The following CTNNA1 variants were observed in gnomAD, a reference collection of about 807,000 sequenced individuals.
CTNNA1 encodes the protein catenin alpha 1.
A neutral mutation model predicts 98.4 loss-of-function variants in CTNNA1; 37 were observed. The observed-to-expected ratio is 0.38, with a 90% CI of 0.29 to 0.49. CTNNA1 has a LOEUF of 0.49. CTNNA1 is among the 20% of genes least tolerant of loss of function. The probability of loss-of-function intolerance (pLI) is 0.95; values close to 1 mark genes in which losing one functional copy is unlikely to be tolerated. For missense variants in CTNNA1, 761 were observed against 1,147.2 expected (o/e 0.66, Z 4.86); for synonymous variants, 404 against 413.2 (o/e 0.98, Z 0.27).
In CTNNA1 at chr5:138,760,658, G is replaced by A. The variant is rs188017138; in HGVS notation, c.-3+7148G>A. Among the ~76,000 whole-genome samples the A allele has an allele frequency of 1.3e-3, 195 of 152,248 alleles. 3 individuals carry two copies. Among genetic ancestry groups the A allele is most frequent in the Non-Finnish European group, 2.6e-4 (18 of 68,014 alleles). On this transcript the variant is annotated intron_variant, in intron 1 of 17. Transcript: ENST00000302763. Reference sequence around the variant, plus strand: ...TGGGATTACAGGCGTGAGCCACCACGTCTGACCTATCCATTCATATGTTGA... The same window carrying A: ...TGGGATTACAGGCGTGAGCCACCACATCTGACCTATCCATTCATATGTTGA...
At position 138,827,508 on chromosome 5, in the gene CTNNA1, T is replaced by A; in HGVS notation, c.859-7T>A. On this transcript the variant is annotated splice_polypyrimidine_tract_variant and splice_region_variant and intron_variant, in intron 6 of 17. Coordinates refer to ENST00000302763, the MANE Select transcript of CTNNA1 (RefSeq NM_001903.5). ...AGTACTAACATTCGGTAATACTTTC[T>A]CTGCAGAAACAAATCATTGTGGACC... The A allele has an allele frequency of 6.2e-7, 1 of 1,614,176 alleles. No individual in the cohort carries two copies. Among genetic ancestry groups the A allele is most frequent in the Non-Finnish European group, 8.5e-7 (1 of 1,179,998 alleles).
intron 9 of CTNNA1, among the ~76,000 whole-genome samples, chr5:138,888,505 G>T (rs1315471675): frequency 6.6e-6 from 1 of 152,004 alleles, no homozygotes; most frequent in African/African-American, 2.4e-5. Context: ...TGTGTGTCTC[G>T]TACTTTTGAA....
chr5:138,803,827 TTC>T (rs1757818423), intron 3 of CTNNA1, among the ~76,000 whole-genome samples: 1 of 152,212 alleles, frequency 6.6e-6, no homozygotes, highest in African/African-American at 2.4e-5. Flanking sequence ...TTTATTGTCT[TTC>T]TCTCCCACTA....
intron 7 of CTNNA1, chr5:138,880,952 T>A: frequency 7.1e-6 from 3 of 420,586 alleles, no homozygotes; most frequent in Admixed American, 2.7e-5. Flanking sequence ...AAAAAACACA[T>A]TGAATATGTG....
intron 16 of CTNNA1, chr5:138,931,746 G>A (rs531755956): frequency 4.7e-5 from 46 of 985,434 alleles, no homozygotes; most frequent in Middle Eastern, 5.2e-4. Flanking sequence ...ATCTGAAAAT[G>A]CAGATCACAT....
At chr5:138,809,246 A>G (rs887197518) in intron 3 of CTNNA1, among the ~76,000 whole-genome samples, 13 of 152,358 alleles carry the variant, frequency 8.5e-5, no homozygotes, top group Non-Finnish European at 1.8e-4. Context: ...TTTTTAAAAA[A>G]TTATAGATAC....
chr5:138,926,731 A>G (rs1355288427), intron 13 of CTNNA1, among the ~76,000 whole-genome samples: 4 of 152,072 alleles, frequency 2.6e-5, no homozygotes, highest in Non-Finnish European at 4.4e-5. Context: ...TTAGGGGGAA[A>G]AAAAAAGTCT....
intron 5 of CTNNA1, among the ~76,000 whole-genome samples, chr5:138,812,783 T>C (rs1043101104): frequency 2.6e-5 from 4 of 152,354 alleles, no homozygotes; most frequent in African/African-American, 9.6e-5. Flanking sequence ...AGGATCAGTG[T>C]TAACTTTTCC....
chr5:138,905,111 A>AAATACATACATACATACATACATAC (rs1554105203), intron 10 of CTNNA1, among the ~76,000 whole-genome samples: 22 of 139,316 alleles, frequency 1.6e-4, no homozygotes, highest in African/African-American at 5.5e-4. Context: ...AAAAAAAAAA[A>AAATACATACATACATACATACATAC]ATACATACAT....
chr5:138,869,163 A>AT (rs1347712595), intron 7 of CTNNA1: 1 of 146,872 alleles, frequency 6.8e-6, no homozygotes, highest in Non-Finnish European at 1.5e-5. Context: ...AACATTCCAT[A>AT]TATCAGACTT....
At position 138,862,130 on chromosome 5, in the gene CTNNA1, A is replaced by G. The variant is rs541599215; in HGVS notation, c.1063-24082A>G. On this transcript the variant is annotated intron_variant, in intron 7 of 17. Transcript: ENST00000302763. ...TAGGTTAATTCTGAGCAAGCTTTAT[A>G]TGGAATAGAGATTTCAGTAATATGG... Among the ~76,000 whole-genome samples, 3 of 152,336 alleles carry G rather than the reference A, an allele frequency of 2.0e-5. No homozygotes were observed. In the South Asian group the frequency reaches 6.2e-4, roughly 32 times the overall value.
intron 7 of CTNNA1, among the ~76,000 whole-genome samples, chr5:138,866,297 T>TATTTA (rs1554092207): frequency 1.2e-4 from 18 of 148,084 alleles, no homozygotes; most frequent in Admixed American, 1.3e-4. Flanking sequence ...TTTATTTATT[T>TATTTA]ATTTATTTAT....
intron 7 of CTNNA1, among the ~76,000 whole-genome samples, chr5:138,854,391 A>G (rs530271912): frequency 3.9e-5 from 6 of 152,288 alleles, no homozygotes; most frequent in African/African-American, 9.6e-5. Flanking sequence ...AATAGGGGCT[A>G]TTTTGTCTTG....
In CTNNA1 at chr5:138,793,978, A is replaced by G. The variant is rs139361742; in HGVS notation, c.301+10606A>G. On this transcript the variant is annotated intron_variant, in intron 3 of 17. Coordinates refer to ENST00000302763, the MANE Select transcript of CTNNA1 (RefSeq NM_001903.5). ...ATTCAGATGGGCTTATAGTATTTAA[A>G]TAACTTCATATTAAATGTTTATTTC... 4.6e-5 allele frequency among the ~76,000 whole-genome samples: 7 copies of G among 151,452 alleles called. No homozygotes were observed. In the East Asian group the frequency reaches 1.4e-3, roughly 29 times the overall value.
At chr5:138,866,325 T>C (rs1581344519) in intron 7 of CTNNA1, among the ~76,000 whole-genome samples, 1 of 150,088 alleles carries the variant, frequency 6.7e-6, no homozygotes, top group Admixed American at 6.6e-5. Flanking sequence ...TTTATTTATT[T>C]ATTTTGGTAC....
At chr5:138,776,573 CGGGGTGGTGGCCGAGCAGAG>C (rs1343305862) in intron 1 of CTNNA1, among the ~76,000 whole-genome samples, 1 of 152,160 alleles carries the variant, frequency 6.6e-6, no homozygotes, top group African/African-American at 2.4e-5. Flanking sequence ...ACCTCCCAGA[CGGGGTGGTGGCCGAGCAGAG>C]GGGTTCCTCA....
chr5:138,926,111 A>C (rs541382096), intron 13 of CTNNA1, among the ~76,000 whole-genome samples: 1 of 152,118 alleles, frequency 6.6e-6, no homozygotes, highest in South Asian at 2.1e-4. Flanking sequence ...AGCTTTTGTC[A>C]CTGCCTGCCA....
At chr5:138,845,670 A>G (rs1342964933) in intron 7 of CTNNA1, among the ~76,000 whole-genome samples, 1 of 152,234 alleles carries the variant, frequency 6.6e-6, no homozygotes, top group East Asian at 1.9e-4. Context: ...AATTATCTGA[A>G]GAGTCTTGTG....
intron 7 of CTNNA1, chr5:138,872,983 G>T: frequency 6.7e-7 from 1 of 1,496,518 alleles, no homozygotes. Context: ...TTACTTATCT[G>T]ATGTGATTTT....
Sources: allele counts gnomAD v4.1 joint callset (sites outside exome capture counted in the v4.1 genomes callset), GRCh38; gene constraint gnomAD v4.1.1; transcripts MANE v1.5; gene names NCBI Gene and HGNC (gene_info 2026-07-23, HGNC 2026-07-21).